FOXN3: variants seen among roughly 807,000 people sequenced by gnomAD.
FOXN3 encodes the protein forkhead box N3.
In FOXN3, 7 loss-of-function variants were observed where a neutral mutation model predicts 38.4. The observed-to-expected ratio is 0.18, with a 90% CI of 0.10 to 0.34. The LOEUF is 0.34. FOXN3 is among the 10% of genes least tolerant of loss of function. The probability of loss-of-function intolerance (pLI) is 1.00; values close to 1 mark genes in which losing one functional copy is unlikely to be tolerated. For synonymous variants in FOXN3, 230 were observed against 242.2 expected (o/e 0.95, Z 0.47); for missense variants, 456 against 613.4 (o/e 0.74, Z 2.71).
At chr14:89,403,917 A>G (rs1891315382) in intron 2 of FOXN3, among the ~76,000 whole-genome samples, 1 of 152,220 alleles carries the variant, frequency 6.6e-6, no homozygotes, top group Non-Finnish European at 1.5e-5. Context: ...CAGAAAACAG[A>G]GAATACAAAG....
intron 1 of FOXN3, among the ~76,000 whole-genome samples, chr14:89,572,477 G>A (rs8003022): frequency 0.46 from 70,010 of 151,984 alleles, 18,749 homozygotes; most frequent in Middle Eastern, 0.62. Context: ...CCCGAGAATC[G>A]CCCAGGCACT....
At chr14:89,516,675 C>A in intron 1 of FOXN3, among the ~76,000 whole-genome samples, 1 of 151,634 alleles carries the variant, frequency 6.6e-6, no homozygotes, top group East Asian at 1.9e-4. Context: ...TATCCTCTCA[C>A]CTCAGCCTCC....
At chr14:89,508,534 G>T (rs1450297830) in intron 1 of FOXN3, among the ~76,000 whole-genome samples, 1 of 152,202 alleles carries the variant, frequency 6.6e-6, no homozygotes, top group Non-Finnish European at 1.5e-5. Flanking sequence ...GCTCAGAAAA[G>T]CCGAAGAGCT....
At chr14:89,250,595 G>A (rs1009326433) in intron 4 of FOXN3, among the ~76,000 whole-genome samples, 20 of 152,226 alleles carry the variant, frequency 1.3e-4, no homozygotes, top group African/African-American at 4.3e-4. Context: ...ATCCTGAGAA[G>A]TCAAGTTATT....
intron 1 of FOXN3, among the ~76,000 whole-genome samples, chr14:89,615,530 A>C (rs947225066): frequency 1.3e-4 from 20 of 152,214 alleles, no homozygotes; most frequent in Admixed American, 3.9e-4. Context: ...TTTCGAAACG[A>C]AGTGTTCTGA....
chr14:89,457,887 G>T (rs939433639), intron 1 of FOXN3, among the ~76,000 whole-genome samples: 1 of 152,138 alleles, frequency 6.6e-6, no homozygotes, highest in Non-Finnish European at 1.5e-5. Flanking sequence ...GGTGGCACAT[G>T]CCTGTAATCC....
intron 2 of FOXN3, among the ~76,000 whole-genome samples, chr14:89,360,505 A>G: frequency 6.9e-6 from 1 of 144,144 alleles, no homozygotes. Flanking sequence ...AGGGAGGGAA[A>G]AACGGTGAGA....
intron 3 of FOXN3, among the ~76,000 whole-genome samples, chr14:89,325,287 C>T (rs1888029586): frequency 2.1e-5 from 3 of 142,382 alleles, no homozygotes; most frequent in Non-Finnish European, 4.7e-5. Flanking sequence ...CCAACACCAA[C>T]ACCACCAACA....
intron 1 of FOXN3, among the ~76,000 whole-genome samples, chr14:89,570,688 G>T (rs1319671372): frequency 6.9e-6 from 1 of 145,164 alleles, no homozygotes; most frequent in Non-Finnish European, 1.5e-5. Context: ...TGCAATTTTG[G>T]TTTTTTTTTT....
intron 1 of FOXN3, among the ~76,000 whole-genome samples, chr14:89,517,270 G>C (rs539975655): frequency 1.3e-5 from 2 of 151,372 alleles, no homozygotes; most frequent in Admixed American, 1.3e-4. Context: ...GGCTGAGGCA[G>C]GAGAATCACT....
chr14:89,399,524 T>A (rs1365825387), intron 2 of FOXN3, among the ~76,000 whole-genome samples: 1 of 152,220 alleles, frequency 6.6e-6, no homozygotes, highest in African/African-American at 2.4e-5. Context: ...AGTACCCTTT[T>A]ACTTAAGCCA....
At chr14:89,602,622 G>A (rs991382030) in intron 1 of FOXN3, among the ~76,000 whole-genome samples, 11 of 151,606 alleles carry the variant, frequency 7.3e-5, no homozygotes, top group African/African-American at 2.4e-4. Context: ...TCAGCCTCCC[G>A]AGTAGCTGGG....
At chr14:89,257,262 G>C (rs975764325) in intron 4 of FOXN3, among the ~76,000 whole-genome samples, 2 of 152,196 alleles carry the variant, frequency 1.3e-5, no homozygotes, top group African/African-American at 4.8e-5. Flanking sequence ...CATTTTCAAG[G>C]TGTTACAATA....
Position 89,157,506 on chromosome 14 carries a change from G to C in FOXN3, c.*4908C>G, listed in dbSNP as rs1261752730. 6.6e-6 allele frequency: 1 copy of C among 152,612 alleles called. No individual in the cohort carries two copies. The highest frequency in any genetic ancestry group is 2.4e-5 in the African/African-American group (1 of 41,448). 9.5% of individuals were successfully genotyped at this position (152,612 alleles called of 1,614,324 possible). On this transcript the variant is annotated 3_prime_UTR_variant, in exon 6 of 6. Transcript: ENST00000557258. ...ACAGATGAATTCACAAAGGTAGGCA[G>C]ATCTATACAGAACACTGAATGCCAT... is the stretch of plus-strand genomic sequence containing the variant.
At chr14:89,538,293 A>C (rs1391194437) in intron 1 of FOXN3, among the ~76,000 whole-genome samples, 3 of 152,230 alleles carry the variant, frequency 2.0e-5, no homozygotes, top group Admixed American at 2.0e-4. Context: ...CTCAAGGAGC[A>C]TAACGTACCC....
At chr14:89,496,743 A>C (rs1187051849) in intron 1 of FOXN3, among the ~76,000 whole-genome samples, 1 of 152,054 alleles carries the variant, frequency 6.6e-6, no homozygotes, top group Non-Finnish European at 1.5e-5. Flanking sequence ...ACCACCATCC[A>C]TCTCTACAAC....
At chr14:89,584,962 C>T (rs939188666) in intron 1 of FOXN3, among the ~76,000 whole-genome samples, 9 of 152,180 alleles carry the variant, frequency 5.9e-5, no homozygotes, top group Admixed American at 5.2e-4. Flanking sequence ...GTGATCCGCC[C>T]GCCTCAGCCT....
intron 2 of FOXN3, among the ~76,000 whole-genome samples, chr14:89,399,530 A>T (rs543401915): frequency 6.6e-6 from 1 of 152,202 alleles, no homozygotes; most frequent in African/African-American, 2.4e-5. Context: ...CTTTTACTTA[A>T]GCCAACTCGA....
chr14:89,418,895 C>T (rs1891831987), upstream of FOXN3, among the ~76,000 whole-genome samples: 1 of 152,100 alleles, frequency 6.6e-6, no homozygotes. Flanking sequence ...GACGAAGTCG[C>T]CCCCTTACAT....
Sources: allele counts gnomAD v4.1 joint callset (sites outside exome capture counted in the v4.1 genomes callset), GRCh38; gene constraint gnomAD v4.1.1; transcripts MANE v1.5; gene names NCBI Gene and HGNC (gene_info 2026-07-23, HGNC 2026-07-21).